The following CNR2 variants were observed in gnomAD, a reference collection of about 807,000 sequenced individuals.
CNR2 encodes the protein cannabinoid receptor 2 (macrophage).
For missense variants in CNR2, 379 were observed against 439.9 expected (o/e 0.86, Z 1.24); for synonymous variants, 172 against 182.2 (o/e 0.94, Z 0.45).
At chr1:23,882,078 C>T (rs182756976) in intron 1 of CNR2, among the ~76,000 whole-genome samples, 302 of 151,586 alleles carry the variant, frequency 2.0e-3, no homozygotes, top group Non-Finnish European at 3.7e-3. Context: ...CCTGCCACCA[C>T]GACCAGCTAA....
chr1:23,879,070 A>G lies in CNR2; in HGVS notation c.-45-3408T>C, dbSNP rs58584612. 9.5e-4 allele frequency among the ~76,000 whole-genome samples: 145 copies of G among 152,340 alleles called. 3 individuals are homozygous for G. The East Asian group carries it at 0.017, about 18-fold the overall frequency. ...AGTAAGTTGACAAATATGAGTAAAG[A>G]AAAGCAAATGGCTTTATAAAACAAC... On this transcript the variant is annotated intron_variant, in intron 1 of 1. Transcript: ENST00000374472.
At chr1:23,886,603 A>G (rs1240379222) in intron 1 of CNR2, among the ~76,000 whole-genome samples, 2 of 152,230 alleles carry the variant, frequency 1.3e-5, no homozygotes, top group Non-Finnish European at 2.9e-5. Context: ...TACATGGAGT[A>G]AGCCATATCT....
At chr1:23,900,647 C>T (rs1640383234) in intron 1 of CNR2, among the ~76,000 whole-genome samples, 1 of 152,016 alleles carries the variant, frequency 6.6e-6, no homozygotes, top group South Asian at 2.1e-4. Flanking sequence ...GCTGGGATTA[C>T]AGGCATGTGC....
chr1:23,901,897 A>T (rs1640406092), intron 1 of CNR2: 1 of 1,607,262 alleles, frequency 6.2e-7, no homozygotes, highest in Middle Eastern at 1.6e-4. Flanking sequence ...TGCGGTAGGC[A>T]GAAGACTGGA....
intron 1 of CNR2, chr1:23,902,814 G>T (rs1432507447): frequency 8.2e-6 from 11 of 1,339,952 alleles, no homozygotes; most frequent in African/African-American, 4.6e-5. Context: ...GGGGCGCGGT[G>T]CAGGCTGCGC....
intron 1 of CNR2, among the ~76,000 whole-genome samples, chr1:23,893,692 G>A (rs1640230046): frequency 1.3e-5 from 2 of 152,128 alleles, no homozygotes; most frequent in African/African-American, 4.8e-5. Context: ...AAAGAAGATT[G>A]GGGGATAACG....
intron 1 of CNR2, among the ~76,000 whole-genome samples, chr1:23,908,244 G>T (rs1470120336): frequency 1.3e-5 from 2 of 152,076 alleles, no homozygotes; most frequent in Non-Finnish European, 2.9e-5. Context: ...CTCCCAAAGT[G>T]CTGGGATTAC....
At chr1:23,899,990 A>G (rs28521811) in intron 1 of CNR2, among the ~76,000 whole-genome samples, 532 of 1,798 alleles carry the variant, frequency 0.3, 8 homozygotes, top group Middle Eastern at 0.5. Context: ...AAGAAAGAAA[A>G]GAAAGAAAGA....
At chr1:23,877,886 C>T (rs916613996) in intron 1 of CNR2, among the ~76,000 whole-genome samples, 12 of 151,128 alleles carry the variant, frequency 7.9e-5, no homozygotes, top group Admixed American at 2.0e-4. Context: ...GCTTGAACCC[C>T]GGATGCAAAG....
chr1:23,884,494 C>T (rs1328759855), intron 1 of CNR2, among the ~76,000 whole-genome samples: 3 of 150,592 alleles, frequency 2.0e-5, no homozygotes, highest in East Asian at 2.0e-4. Flanking sequence ...TTAGCAGAGA[C>T]GGGGTTTCAC....
At chr1:23,903,241 C>T (rs1640433473) in intron 1 of CNR2, among the ~76,000 whole-genome samples, 1 of 152,144 alleles carries the variant, frequency 6.6e-6, no homozygotes, top group East Asian at 1.9e-4. Context: ...TTCTCTCTGA[C>T]ACATGCCAGC....
At chr1:23,900,255 C>G (rs1002587263) in intron 1 of CNR2, among the ~76,000 whole-genome samples, 2 of 152,090 alleles carry the variant, frequency 1.3e-5, no homozygotes, top group Non-Finnish European at 2.9e-5. Flanking sequence ...ACTGGCTCCC[C>G]GCAACCAAAC....
intron 1 of CNR2, among the ~76,000 whole-genome samples, chr1:23,900,742 G>A (rs1640384767): frequency 6.6e-6 from 1 of 152,028 alleles, no homozygotes; most frequent in East Asian, 1.9e-4. Flanking sequence ...CCAACCTCAG[G>A]TGAACCGCCC....
At chr1:23,903,563 A>T (rs1570721659) in intron 1 of CNR2, among the ~76,000 whole-genome samples, 1 of 117,412 alleles carries the variant, frequency 8.5e-6, no homozygotes, top group Non-Finnish European at 1.7e-5. Flanking sequence ...ACAGAGTGAG[A>T]CCCCAGGCTT....
intron 1 of CNR2, among the ~76,000 whole-genome samples, chr1:23,909,491 C>G (rs1427692245): frequency 6.6e-6 from 1 of 152,086 alleles, no homozygotes; most frequent in African/African-American, 2.4e-5. Context: ...AGAGAATTGC[C>G]TTTACAGGAC....
intron 1 of CNR2, among the ~76,000 whole-genome samples, chr1:23,880,320 G>A (rs1435732847): frequency 6.6e-6 from 1 of 151,910 alleles, no homozygotes; most frequent in Non-Finnish European, 1.5e-5. Flanking sequence ...TGGGACTACA[G>A]GCGCATACTA....
intron 1 of CNR2, among the ~76,000 whole-genome samples, chr1:23,899,857 GGGA>G: frequency 1.0e-4 from 1 of 10,018 alleles, no homozygotes; most frequent in African/African-American, 1.8e-4. Flanking sequence ...GAAAGAAAGA[GGGA>G]AGGAAGGAAA....
chr1:23,899,040 T>C (rs2501406), intron 1 of CNR2, among the ~76,000 whole-genome samples: 147,948 of 152,222 alleles, frequency 0.97, 72,011 homozygotes, highest in East Asian at 1. Flanking sequence ...AATGTGATAT[T>C]ATGATACACG....
At chr1:23,903,868 C>CT (rs930233110) in intron 1 of CNR2, among the ~76,000 whole-genome samples, 2 of 152,216 alleles carry the variant, frequency 1.3e-5, no homozygotes, top group Non-Finnish European at 2.9e-5. Flanking sequence ...AGTGACTTGT[C>CT]TGAGGTTGCA....
Sources: allele counts gnomAD v4.1 joint callset (sites outside exome capture counted in the v4.1 genomes callset), GRCh38; gene constraint gnomAD v4.1.1; transcripts MANE v1.5; gene names NCBI Gene and HGNC (gene_info 2026-07-23, HGNC 2026-07-21).